PHYH: variants seen among roughly 807,000 people sequenced by gnomAD.
PHYH encodes the protein phytanoyl-CoA dioxygenase, peroxisomal.
PHYH carries 32 observed loss-of-function variants against 38.5 expected under a neutral mutation model. That is an observed-to-expected ratio of 0.83 (90% CI 0.63 to 1.12). The LOEUF (loss-of-function observed/expected upper bound fraction) is 1.12, where lower values mean the gene tolerates loss of function less well. PHYH is among the 50% of genes most tolerant of loss of function. PHYH has a pLI of 0.00. For missense variants in PHYH, 426 were observed against 434.8 expected (o/e 0.98, Z 0.18); for synonymous variants, 166 against 157.9 (o/e 1.05, Z -0.38).
At chr10:13,290,643 C>A (rs1262059755) in intron 5 of PHYH, among the ~76,000 whole-genome samples, 1 of 152,126 alleles carries the variant, frequency 6.6e-6, no homozygotes, top group African/African-American at 2.4e-5. Context: ...TCCAGCGATC[C>A]TCCCCCCGCA....
At chr10:13,291,602 T>G in intron 5 of PHYH, 1 of 525,548 alleles carries the variant, frequency 1.9e-6, no homozygotes, top group Non-Finnish European at 3.4e-6. Flanking sequence ...ACCTCAGCCT[T>G]CCAATAGCAG....
chr10:13,296,754 G>GTTGA (rs1554785336), intron 2 of PHYH, among the ~76,000 whole-genome samples: 3 of 150,906 alleles, frequency 2.0e-5, no homozygotes, highest in African/African-American at 7.3e-5. Context: ...GGTCAGATCG[G>GTTGA]GACCATCCTG....
intron 6 of PHYH, among the ~76,000 whole-genome samples, chr10:13,286,732 A>G (rs1030143725): frequency 2.6e-5 from 4 of 151,606 alleles, no homozygotes; most frequent in Non-Finnish European, 5.9e-5. Context: ...AAAAACTACT[A>G]TCATACACAA....
At chr10:13,295,295 C>T (rs1835817292) in intron 3 of PHYH, 1 of 560,074 alleles carries the variant, frequency 1.8e-6, no homozygotes, top group Non-Finnish European at 3.2e-6. Context: ...CACCACTGCA[C>T]TCAGCCTACA....
At chr10:13,295,363 C>G in intron 3 of PHYH, 133 bp downstream of exon 3, 1 of 660,910 alleles carries the variant, frequency 1.5e-6, no homozygotes, top group Non-Finnish European at 2.7e-6. Context: ...CACCAGAGCC[C>G]ATGCTTCTAA....
At chr10:13,279,769 T>TATGA (rs1284189932) in intron 8 of PHYH, among the ~76,000 whole-genome samples, 1 of 152,170 alleles carries the variant, frequency 6.6e-6, no homozygotes, top group Non-Finnish European at 1.5e-5. Context: ...TTGACAAACC[T>TATGA]CAAACATAAT....
chr10:13,285,626 A>T (rs1406741468), intron 6 of PHYH, among the ~76,000 whole-genome samples: 4 of 128,494 alleles, frequency 3.1e-5, no homozygotes, highest in Admixed American at 1.7e-4. Context: ...TTTTTTTGAG[A>T]TGGAGTCTTG....
At chr10:13,299,431 C>A (rs952378267) in intron 1 of PHYH, 26 of 1,000,774 alleles carry the variant, frequency 2.6e-5, no homozygotes, top group Non-Finnish European at 3.1e-5. Context: ...CGCTGTCCTT[C>A]CCCAAATAGT....
chr10:13,288,622 T>C, intron 5 of PHYH, 81 bp from the exon 6 acceptor site: 3 of 1,393,330 alleles, frequency 2.2e-6, no homozygotes, highest in Non-Finnish European at 3.1e-6. Context: ...CTTTGGGATA[T>C]AAAAATATAT....
In PHYH at chr10:13,295,562, A is replaced by C. The variant is rs759133541; in HGVS notation, c.179T>G (p.Phe60Cys). The C allele has an allele frequency of 1.3e-6, 2 of 1,547,662 alleles. No homozygotes were observed. The highest frequency in any genetic ancestry group is 4.5e-5 in the East Asian group (2 of 44,604). Residue 60 changes from phenylalanine (F) to cysteine (C), a missense_variant, in exon 3 of 9, where the codon TTT (phenylalanine) becomes TGT (cysteine). Physicochemically the swap from Phe to Cys is radical, Grantham distance 205 (BLOSUM62 -2). Transcript: ENST00000263038. The stretch of plus-strand genomic sequence containing the variant: ...TACTAGAAACCCATTTTCTTCATAA[A>C]ATTTTCTCTGTTCCAGGGTTAGAAC... The part of the protein sequence containing the change: ...NNVLTLEQRK[F>C]YEENGFLVIK...
At position 13,298,339 on chromosome 10, in the gene PHYH, G is replaced by A. The variant is rs10796054; in HGVS notation, c.76-94C>T. 326,941 of 742,252 alleles carry A rather than the reference G, an allele frequency of 0.44. 77,767 individuals are homozygous for A. The highest frequency in any genetic ancestry group is 0.67 in the East Asian group (23,914 of 35,436). The allele number at this position is 742,252 out of a possible 1,614,324, so 46.0% of individuals were successfully genotyped here. ...TCCAGCACTTTGGGAGGCTGAGGCA[G>A]GAGGATTACTTGAGCTCAGGAGTTC... On this transcript the variant is annotated intron_variant, in intron 1 of 8. Coordinates refer to ENST00000263038, the MANE Select transcript of PHYH (RefSeq NM_006214.4).
intron 6 of PHYH, among the ~76,000 whole-genome samples, 160 bp from the exon 7 acceptor site, chr10:13,283,999 A>G (rs1835483390): frequency 6.6e-6 from 1 of 152,158 alleles, no homozygotes; most frequent in Non-Finnish European, 1.5e-5. Context: ...TTTTCAGTAT[A>G]CAAAAGCCTC....
At chr10:13,295,284 G>A (rs913266369) in intron 3 of PHYH, 101 of 532,966 alleles carry the variant, frequency 1.9e-4, no homozygotes, top group South Asian at 4.5e-4. Flanking sequence ...AGCTATGATC[G>A]CACCACTGCA....
chr10:13,279,357 T>C (rs1297844567), intron 8 of PHYH, among the ~76,000 whole-genome samples: 1 of 152,186 alleles, frequency 6.6e-6, no homozygotes, highest in Admixed American at 6.6e-5. Context: ...GATGAGATGA[T>C]AATAGTGAAC....
chr10:13,286,501 G>T (rs1835553130), intron 6 of PHYH, among the ~76,000 whole-genome samples: 7 of 152,024 alleles, frequency 4.6e-5, no homozygotes, highest in Admixed American at 4.6e-4. Context: ...AGGAGATCGA[G>T]ACCATCCTGG....
At chr10:13,296,783 G>A (rs376045937) in intron 2 of PHYH, among the ~76,000 whole-genome samples, 13 of 151,230 alleles carry the variant, frequency 8.6e-5, no homozygotes, top group East Asian at 5.8e-4. Flanking sequence ...GGTGAAACCC[G>A]CCTCTACTAA....
chr10:13,296,211 C>G (rs1009285694), intron 2 of PHYH, among the ~76,000 whole-genome samples: 3 of 151,660 alleles, frequency 2.0e-5, no homozygotes, highest in Admixed American at 6.6e-5. Context: ...AGGAAACGTT[C>G]ATGCTCTTCA....
intron 7 of PHYH, among the ~76,000 whole-genome samples, chr10:13,283,140 T>TC: frequency 6.8e-6 from 1 of 146,222 alleles, no homozygotes; most frequent in Non-Finnish European, 1.5e-5. Context: ...AATTTTTTTT[T>TC]TTTTTTTTGA....
Position 13,291,932 on chromosome 10 carries a change from A to AG in PHYH, c.415-21_415-20insC, listed in dbSNP as rs757703811. 1.3e-6 allele frequency: 2 copies of AG among 1,530,384 alleles called. No individual in the cohort carries two copies. The highest frequency in any genetic ancestry group is 4.5e-5 in the East Asian group (2 of 44,506). The allele number at this position is 1,530,384 out of a possible 1,614,324, so 94.8% of individuals were successfully genotyped here. On this transcript the variant is annotated intron_variant, in intron 4 of 8. Transcript: ENST00000263038. ...CAGAATCTAAGAAAGCAAAAAAAAA[A>AG]CAAAAACAAACCTTGTGGGAAATCA...
Sources: gnomAD v4.1 joint callset for allele counts (sites outside exome capture counted in the v4.1 genomes callset) on GRCh38, gnomAD v4.1.1 for gene constraint, MANE v1.5 for transcripts, NCBI Gene and HGNC (gene_info 2026-07-23, HGNC 2026-07-21) for gene names.